Variants in MEMO1 observed in about 807,000 individuals in gnomAD.
MEMO1 encodes the protein mediator of cell motility 1, also known as protein MEMO1.
MEMO1 carries 6 observed loss-of-function variants against 45.2 expected under a neutral mutation model. The ratio of observed to expected loss-of-function variants is 0.13; its 90% confidence interval spans 0.07 to 0.26. MEMO1 has a LOEUF of 0.26. Ranked by LOEUF, MEMO1 falls within the 10% of genes least tolerant of loss-of-function variation. The pLI, the probability that MEMO1 is intolerant of heterozygous loss-of-function variation, is 1.00. For synonymous variants in MEMO1, 78 were observed against 124.3 expected, an observed-to-expected ratio of 0.63 and a Z score of 2.48; for missense variants, 184 against 370.5, an observed-to-expected ratio of 0.50 and a Z score of 4.13.
At chr2:31,869,013 G>C (rs1041551344) in intron 9 of MEMO1, among the ~76,000 whole-genome samples, 4 of 152,016 alleles carry the variant, frequency 2.6e-5, no homozygotes, top group Non-Finnish European at 5.9e-5. Context: ...GTTTATTCTA[G>C]CTTCAATTTT....
chr2:31,957,355 G>A (rs1657177609), intron 2 of MEMO1, among the ~76,000 whole-genome samples: 1 of 152,164 alleles, frequency 6.6e-6, no homozygotes, highest in Non-Finnish European at 1.5e-5. Flanking sequence ...TGTGGGATAT[G>A]TCTACTGATG....
rs1491447831 is a variant in MEMO1 at position 31,914,960 on chromosome 2, TTA to T, written c.437+2964_437+2965del. ...TGACAGAATGAGACCCTGTCTCTTT[TTA>T]AAAAAAAAAAAAAAAAAAAAGAGGC... On this transcript the variant is annotated intron_variant, in intron 6 of 9. Transcript: ENST00000404530. Among the ~76,000 whole-genome samples the T allele has an allele frequency of 3.3e-3, 403 of 122,844 alleles. 6 individuals carry two copies. Among genetic ancestry groups the T allele is most frequent in the African/African-American group, 0.012 (382 of 31,818 alleles). The allele number at this position is 122,844 out of a possible 152,430, so 80.6% of individuals were successfully genotyped here.
intron 2 of MEMO1, among the ~76,000 whole-genome samples, chr2:31,982,446 T>C (rs961696341): frequency 6.6e-6 from 1 of 151,048 alleles, no homozygotes; most frequent in Non-Finnish European, 1.5e-5. Flanking sequence ...AAAAATTAGC[T>C]GGGCATGGAG....
At chr2:31,982,233 G>A (rs1670723539) in intron 2 of MEMO1, among the ~76,000 whole-genome samples, 1 of 148,950 alleles carries the variant, frequency 6.7e-6, no homozygotes, top group African/African-American at 2.5e-5. Flanking sequence ...GGAGGCGGAG[G>A]TTACAGTGAG....
intron 8 of MEMO1, among the ~76,000 whole-genome samples, chr2:31,880,593 C>G (rs542400761): frequency 6.6e-6 from 1 of 152,032 alleles, no homozygotes; most frequent in African/African-American, 2.4e-5. Context: ...ATTGGTAGAG[C>G]TGATTTGAAC....
intron 3 of MEMO1, among the ~76,000 whole-genome samples, chr2:31,936,539 T>C (rs1184508869): frequency 1.3e-5 from 2 of 152,220 alleles, no homozygotes; most frequent in Non-Finnish European, 2.9e-5. Context: ...TGTTTTTCCC[T>C]GTGGAACTGC....
At chr2:31,935,736 T>C (rs1197431681) in intron 3 of MEMO1, among the ~76,000 whole-genome samples, 1 of 152,156 alleles carries the variant, frequency 6.6e-6, no homozygotes, top group African/African-American at 2.4e-5. Flanking sequence ...ACAGATGCTC[T>C]TTTCCTAATC....
intron 2 of MEMO1, among the ~76,000 whole-genome samples, chr2:31,943,886 A>G (rs1665904087): frequency 6.6e-6 from 1 of 152,106 alleles, no homozygotes; most frequent in African/African-American, 2.4e-5. Context: ...GCTACCTTAA[A>G]AATCTCAGTT....
chr2:31,949,085 C>T (rs1441963882), intron 2 of MEMO1, among the ~76,000 whole-genome samples: 1 of 152,124 alleles, frequency 6.6e-6, no homozygotes. Context: ...GTTAAAATGG[C>T]TTGTACCCAA....
At chr2:31,957,662 T>C (rs1003325590) in intron 2 of MEMO1, among the ~76,000 whole-genome samples, 1 of 152,208 alleles carries the variant, frequency 6.6e-6, no homozygotes, top group Non-Finnish European at 1.5e-5. Flanking sequence ...AAAAGAACCA[T>C]CTAGAGAACA....
intron 2 of MEMO1, among the ~76,000 whole-genome samples, chr2:31,958,394 T>A (rs1315485724): frequency 6.6e-6 from 1 of 151,232 alleles, no homozygotes; most frequent in Non-Finnish European, 1.5e-5. Context: ...AAGTGGTACC[T>A]CTCCAACTAA....
At chr2:31,933,346 A>ATAT (rs869211483) in intron 3 of MEMO1, among the ~76,000 whole-genome samples, 11 of 25,508 alleles carry the variant, frequency 4.3e-4, no homozygotes, top group African/African-American at 1.6e-3. Flanking sequence ...AAAAAAAAAA[A>ATAT]AAATTTATAT....
At chr2:31,963,127 A>G in intron 2 of MEMO1, 1 of 1,498,916 alleles carries the variant, frequency 6.7e-7, no homozygotes, top group South Asian at 1.3e-5. Context: ...CTACACCATT[A>G]GCTCTCCCAT....
chr2:31,906,614 C>T (rs35502701), intron 6 of MEMO1, among the ~76,000 whole-genome samples: 18,717 of 152,128 alleles, frequency 0.12, 1,263 homozygotes, highest in Middle Eastern at 0.2. Flanking sequence ...TTAGCCATCG[C>T]ACCCAGCCTA....
At chr2:31,919,969 T>TGC (rs924559493) in intron 5 of MEMO1, among the ~76,000 whole-genome samples, 4 of 151,632 alleles carry the variant, frequency 2.6e-5, no homozygotes, top group Non-Finnish European at 5.9e-5. Flanking sequence ...TGTGTGTGTG[T>TGC]GTGTGTGTAC....
At chr2:31,869,979 GA>G in intron 8 of MEMO1, 27 bp from the exon 9 acceptor site, 4 of 1,342,336 alleles carry the variant, frequency 3.0e-6, no homozygotes, top group South Asian at 3.5e-5. Flanking sequence ...AGAAGAGGAA[GA>G]AAAAAATAAA....
At chr2:31,952,046 C>A (rs974155833) in intron 2 of MEMO1, among the ~76,000 whole-genome samples, 1 of 152,048 alleles carries the variant, frequency 6.6e-6, no homozygotes, top group Non-Finnish European at 1.5e-5. Flanking sequence ...TGGTACAGCA[C>A]CTTAGGGAGT....
intron 4 of MEMO1, among the ~76,000 whole-genome samples, chr2:31,931,856 G>C (rs888549691): frequency 1.3e-5 from 2 of 152,044 alleles, no homozygotes; most frequent in African/African-American, 4.8e-5. Context: ...ACATGCCAAA[G>C]GGAAGGTAAA....
At chr2:31,953,163 T>C (rs187230721) in intron 2 of MEMO1, among the ~76,000 whole-genome samples, 113 of 152,114 alleles carry the variant, frequency 7.4e-4, no homozygotes, top group African/African-American at 2.6e-3. Context: ...GGTCAGGAGT[T>C]CAAGACCAAC....
Sources: allele counts gnomAD v4.1 joint callset (sites outside exome capture counted in the v4.1 genomes callset), GRCh38; gene constraint gnomAD v4.1.1; transcripts MANE v1.5; gene names NCBI Gene and HGNC (gene_info 2026-07-23, HGNC 2026-07-21).